Variants in DLD observed in about 807,000 individuals in gnomAD.
DLD encodes dihydrolipoyl dehydrogenase, mitochondrial.
DLD carries 36 observed loss-of-function variants against 62.2 expected under a neutral mutation model. The ratio of observed to expected loss-of-function variants is 0.58; its 90% CI spans 0.44 to 0.76. The LOEUF (loss-of-function observed/expected upper bound fraction) is 0.76, where lower values mean the gene tolerates loss of function less well. Among genes scored for constraint, DLD ranks in the 30% least tolerant of loss-of-function variants. The pLI is 0.00. For missense variants in DLD, 541 were observed against 608.6 expected (o/e 0.89, Z 1.17); for synonymous variants, 204 against 199.6 (o/e 1.02, Z -0.19).
At chr7:107,914,223 A>AT (rs1375607384) in intron 8 of DLD, among the ~76,000 whole-genome samples, 1 of 152,036 alleles carries the variant, frequency 6.6e-6, no homozygotes, top group Non-Finnish European at 1.5e-5. Context: ...ACATTTGTCC[A>AT]TTTTTTATTG....
rs1170685997 is a variant in DLD, at chr7:107,920,527, A to G, written c.*1268A>G. On this transcript the variant is annotated 3_prime_UTR_variant, in exon 14 of 14. Coordinates refer to ENST00000205402, the MANE Select transcript of DLD (RefSeq NM_000108.5). ...CTCTGTCTTGTTTGTAGGTGGCAGCAGCTGAAATCTCTTCTCAGTTGTTTT... is the reference window on the plus strand; with the variant it reads ...CTCTGTCTTGTTTGTAGGTGGCAGCGGCTGAAATCTCTTCTCAGTTGTTTT... The G allele has an allele frequency of 1.3e-5, 2 of 152,290 alleles. No homozygotes were observed. The highest frequency in any genetic ancestry group is 2.9e-5 in the Non-Finnish European group (2 of 68,056). 9.4% of individuals were successfully genotyped at this position (152,290 alleles called of 1,614,324 possible).
rs550495867 is a variant in DLD, at chr7:107,920,524, A to T, written c.*1265A>T. 2 of 152,254 alleles carry T rather than the reference A, an allele frequency of 1.3e-5. No homozygotes were observed. Among genetic ancestry groups the T allele is most frequent in the Non-Finnish European group, 2.9e-5 (2 of 68,046 alleles). 9.4% of individuals were successfully genotyped at this position (152,254 alleles called of 1,614,324 possible). ...ACACTCTGTCTTGTTTGTAGGTGGCAGCAGCTGAAATCTCTTCTCAGTTGT... is the reference window on the plus strand; with the variant it reads ...ACACTCTGTCTTGTTTGTAGGTGGCTGCAGCTGAAATCTCTTCTCAGTTGT... On this transcript the variant is annotated 3_prime_UTR_variant, in exon 14 of 14. Coordinates refer to ENST00000205402, the MANE Select transcript of DLD (RefSeq NM_000108.5).
In DLD at chr7:107,915,506, G is replaced by C. The variant is rs121964990; in HGVS notation, c.685G>C (p.Gly229Arg). The C allele has an allele frequency of 6.2e-7, 1 of 1,613,578 alleles. No homozygotes were observed. The highest frequency in any genetic ancestry group is 8.5e-7 in the Non-Finnish European group (1 of 1,179,784). The stretch of plus-strand genomic sequence containing the variant: ...TTGGGTTTTTTTAATTTATTTGCAG[G>C]GTTCAGTTTGGCAAAGACTTGGTGC... ...IGAGVIGVELGSVWQRLGADV... is the reference protein window; with the variant it reads ...IGAGVIGVELRSVWQRLGADV... Residue 229 changes from glycine (G) to arginine (R), a missense_variant and splice_region_variant, in exon 9 of 14, where the codon GGT becomes CGT. By Grantham distance (125) the Gly-to-Arg change is moderately radical. Transcript: ENST00000205402.
At chr7:107,917,008 A>G (rs757532112) in intron 10 of DLD, 44 bp downstream of exon 10, 10 of 1,589,922 alleles carry the variant, frequency 6.3e-6, no homozygotes, top group South Asian at 1.1e-5. Flanking sequence ...TTTAAAATTG[A>G]TTTCAAACAG....
At chr7:107,892,796 C>G (rs1273549495) in intron 1 of DLD, among the ~76,000 whole-genome samples, 2 of 152,310 alleles carry the variant, frequency 1.3e-5, no homozygotes, top group East Asian at 3.9e-4. Context: ...GATCCGCCCA[C>G]CTCAGCCTCC....
intron 1 of DLD, among the ~76,000 whole-genome samples, chr7:107,892,662 T>G (rs6466204): frequency 5.3e-5 from 8 of 151,888 alleles, no homozygotes; most frequent in Non-Finnish European, 2.9e-5. Flanking sequence ...TCTCCTGCCT[T>G]GGCCTCCCGA....
Position 107,920,748 on chromosome 7 carries a change from CCCT to C in DLD, c.*1491_*1493del, listed in dbSNP as rs2032390945. On this transcript the variant is annotated 3_prime_UTR_variant, in exon 14 of 14. Coordinates refer to ENST00000205402, the MANE Select transcript of DLD (RefSeq NM_000108.5). ...CCAATAAAACTTGGCTTTTGTTTCC[CCCT>C]CAAGTGAGAACCCGTTAAAAATGAG... is the stretch of plus-strand genomic sequence containing the variant. The C allele has an allele frequency of 6.6e-6, 1 of 152,220 alleles. No individual in the cohort carries two copies. The highest frequency in any genetic ancestry group is 1.5e-5 in the Non-Finnish European group (1 of 68,064). The allele number at this position is 152,220 out of a possible 1,614,324, so 9.4% of individuals were successfully genotyped here. A position where few individuals can be genotyped will look rare whatever the true frequency, so the allele number is the denominator to read the frequency against.
chr7:107,909,627 G>C (rs1584467925), intron 8 of DLD, among the ~76,000 whole-genome samples: 1 of 152,076 alleles, frequency 6.6e-6, no homozygotes, highest in Non-Finnish European at 1.5e-5. Flanking sequence ...GACCTGTTTG[G>C]AACACTTGTG....
intron 2 of DLD, among the ~76,000 whole-genome samples, chr7:107,899,575 A>G (rs1487345693): frequency 6.6e-6 from 1 of 152,034 alleles, no homozygotes; most frequent in Non-Finnish European, 1.5e-5. Context: ...AAATACATAT[A>G]CTTAAAATCT....
chr7:107,891,227 C>G lies in DLD; in HGVS notation c.-24C>G. 6.2e-7 allele frequency: 1 copy of G among 1,613,936 alleles called. No individual in the cohort carries two copies. The highest frequency in any genetic ancestry group is 8.5e-7 in the Non-Finnish European group (1 of 1,179,854). ...CGCCCAGCGGAGGTGAAAGTATTGG[C>G]GGAAAGGAAAATACAGCGGAAAAAT... On this transcript the variant is annotated 5_prime_UTR_variant, in exon 1 of 14. Coordinates refer to ENST00000205402, the MANE Select transcript of DLD (RefSeq NM_000108.5).
intron 11 of DLD, among the ~76,000 whole-genome samples, 183 bp downstream of exon 11, chr7:107,917,645 T>G (rs2032301590): frequency 6.6e-6 from 1 of 152,202 alleles, no homozygotes; most frequent in Non-Finnish European, 1.5e-5. Context: ...CAGCAGTAAT[T>G]GAGAGGAAGA....
chr7:107,901,692 A>T (rs375813320), intron 2 of DLD, 46 bp from the exon 3 acceptor site: 1 of 1,516,964 alleles, frequency 6.6e-7, no homozygotes, highest in Non-Finnish European at 9.2e-7. Flanking sequence ...CTTTTTGGTA[A>T]ATATTAAGCA....
rs1471352315 is a variant in DLD, at chr7:107,902,412, C to T, written c.267+19C>T. The T allele has an allele frequency of 2.5e-6, 4 of 1,610,944 alleles. No individual in the cohort carries two copies. The highest frequency in any genetic ancestry group is 3.4e-6 in the Non-Finnish European group (4 of 1,177,390). On this transcript the variant is annotated intron_variant, in intron 4 of 13. Transcript: ENST00000205402. ...TTCTAAGGTGAGCATGTGTTTTGTA[C>T]AGCACAGAGATTGTTTTTGGCTAGC...
intron 8 of DLD, among the ~76,000 whole-genome samples, chr7:107,907,153 G>A (rs1028265086): frequency 2.0e-5 from 3 of 152,058 alleles, no homozygotes. Context: ...AGATGTCCTT[G>A]AGTTGCTTGT....
intron 2 of DLD, among the ~76,000 whole-genome samples, chr7:107,897,452 T>G (rs1479510533): frequency 6.6e-6 from 1 of 152,202 alleles, no homozygotes; most frequent in Non-Finnish European, 1.5e-5. Context: ...CTTCCTCTGT[T>G]AATGGTAGTA....
chr7:107,900,137 A>G (rs2031840385), intron 2 of DLD, among the ~76,000 whole-genome samples: 1 of 152,122 alleles, frequency 6.6e-6, no homozygotes, highest in Admixed American at 6.5e-5. Context: ...CTCAATTATC[A>G]TCTGCTATAA....
In DLD at chr7:107,891,249, A is replaced by G; in HGVS notation, c.-2A>G. On this transcript the variant is annotated 5_prime_UTR_variant, in exon 1 of 14. Transcript: ENST00000205402. ...TGGCGGAAAGGAAAATACAGCGGAA[A>G]AATGCAGAGCTGGAGTCGTGTGTAC... is the stretch of plus-strand genomic sequence containing the variant. The G allele has an allele frequency of 6.2e-7, 1 of 1,614,146 alleles. No individual in the cohort carries two copies. Among genetic ancestry groups the G allele is most frequent in the South Asian group, 1.1e-5 (1 of 91,086 alleles).
chr7:107,905,720 G>A (rs1470515324), intron 7 of DLD: 1 of 562,712 alleles, frequency 1.8e-6, no homozygotes, highest in Non-Finnish European at 3.1e-6. Flanking sequence ...ACAGTATGAA[G>A]TTAAAATTGA....
rs746982095 is a variant in DLD at position 107,919,269 on chromosome 7, TTATA to T, written c.*16_*19del. The T allele has an allele frequency of 3.1e-6, 5 of 1,596,304 alleles. No individual in the cohort carries two copies. Among genetic ancestry groups the T allele is most frequent in the South Asian group, 1.1e-5 (1 of 89,646 alleles). ...ATCAATCAACTTTTGAATTAGAAGA[TTATA>T]TATATTTTTTTCTGAAATTTCCTGG... On this transcript the variant is annotated 3_prime_UTR_variant, in exon 14 of 14. Transcript: ENST00000205402.
Sources: gnomAD v4.1 joint callset for allele counts (sites outside exome capture counted in the v4.1 genomes callset) on GRCh38, gnomAD v4.1.1 for gene constraint, MANE v1.5 for transcripts, NCBI Gene and HGNC (gene_info 2026-07-23, HGNC 2026-07-21) for gene names.